The following ZNRF3 variants were observed in gnomAD, a reference collection of about 807,000 sequenced individuals.
ZNRF3 encodes the protein zinc and ring finger 3, also known as E3 ubiquitin-protein ligase ZNRF3.
A neutral mutation model predicts 72.5 loss-of-function variants in ZNRF3; 23 were observed. The observed-to-expected ratio is 0.32, with a 90% confidence interval of 0.23 to 0.45. The LOEUF (loss-of-function observed/expected upper bound fraction) is 0.45. ZNRF3 is among the 20% of genes least tolerant of loss of function. The pLI is 1.00. For synonymous variants in ZNRF3, 610 were observed against 545.3 expected, an observed-to-expected ratio of 1.12 and a Z score of -1.65; for missense variants, 1,169 against 1,272.1, an observed-to-expected ratio of 0.92 and a Z score of 1.23.
chr22:28,968,480 C>T (rs1004272499), intron 1 of ZNRF3, among the ~76,000 whole-genome samples: 15 of 152,038 alleles, frequency 9.9e-5, no homozygotes, highest in South Asian at 4.1e-4. Flanking sequence ...GAGGCTGAGG[C>T]GGGTGGATCA....
At chr22:29,045,529 C>T (rs1386066346) in intron 5 of ZNRF3, among the ~76,000 whole-genome samples, 2 of 152,164 alleles carry the variant, frequency 1.3e-5, no homozygotes, top group East Asian at 1.9e-4. Context: ...CATTCTGTCA[C>T]CCAGGCTGGA....
At chr22:28,886,359 A>C (rs556781152) in intron 1 of ZNRF3, among the ~76,000 whole-genome samples, 10 of 152,366 alleles carry the variant, frequency 6.6e-5, no homozygotes, top group African/African-American at 2.4e-4. Context: ...AGAAAGCAGA[A>C]GGAATAAATT....
At chr22:28,982,433 CAAAA>C (rs61589852) in intron 1 of ZNRF3, among the ~76,000 whole-genome samples, 1,381 of 76,344 alleles carry the variant, frequency 0.018, 11 homozygotes, top group East Asian at 0.077. Flanking sequence ...CCTGTCTCTA[CAAAA>C]AAAAAAAAAA....
chr22:28,935,972 G>A (rs1041255134), intron 1 of ZNRF3, among the ~76,000 whole-genome samples: 25 of 152,034 alleles, frequency 1.6e-4, no homozygotes, highest in African/African-American at 5.3e-4. Flanking sequence ...GGCTCTTCTG[G>A]TGCCCTCTGT....
At chr22:28,897,823 G>A (rs914585314) in intron 1 of ZNRF3, among the ~76,000 whole-genome samples, 1 of 152,150 alleles carries the variant, frequency 6.6e-6, no homozygotes, top group Non-Finnish European at 1.5e-5. Context: ...TATTGTCTTG[G>A]ATGTAAAACA....
chr22:28,955,032 G>GTTTTTTTTTTTTTTTTTTT (rs372334361), intron 1 of ZNRF3, among the ~76,000 whole-genome samples: 2 of 137,170 alleles, frequency 1.5e-5, no homozygotes, highest in Non-Finnish European at 1.5e-5. Flanking sequence ...TATTTTTGGT[G>GTTTTTTTTTTTTTTTTTTT]TTTTTTTTTT....
intron 1 of ZNRF3, among the ~76,000 whole-genome samples, chr22:28,938,943 G>T (rs1042578571): frequency 6.6e-6 from 1 of 152,150 alleles, no homozygotes. Flanking sequence ...CTGTTTAGCT[G>T]TGTGACTCTA....
rs370257383 is a variant in ZNRF3, at chr22:29,043,334, G to A, written c.537G>A (p.Pro179=). 46 of 1,613,992 alleles carry A rather than the reference G, an allele frequency of 2.9e-5. No individual in the cohort carries two copies. The highest frequency in any genetic ancestry group is 5.3e-5 in the African/African-American group (4 of 74,984). Residue 179 remains proline, a synonymous_variant, in exon 4 of 9, where the codon CCG becomes CCA. Transcript: ENST00000544604. ...GCTCTGAAGACCCGCTCAAGAGGCC[G>A]GTGGTGTATGTGAAGGGTGCAGATG... ...NQGSEDPLKR[P]VVYVKGADAI... is the part of the protein sequence containing the mutation.
At chr22:28,922,282 T>C (rs1011256145) in intron 1 of ZNRF3, among the ~76,000 whole-genome samples, 3 of 152,182 alleles carry the variant, frequency 2.0e-5, no homozygotes, top group African/African-American at 7.2e-5. Flanking sequence ...GTTGTAATTA[T>C]TTTTTTGTTT....
chr22:28,885,709 T>C (rs1290130186), intron 1 of ZNRF3, among the ~76,000 whole-genome samples: 1 of 152,064 alleles, frequency 6.6e-6, no homozygotes, highest in Non-Finnish European at 1.5e-5. Context: ...TTCTCAACAG[T>C]AGTTTGTCTG....
Position 29,049,988 on chromosome 22 carries a change from A to G in ZNRF3, c.1807A>G (p.Ser603Gly), listed in dbSNP as rs1180956642. 1 of 1,611,980 alleles carries G rather than the reference A, an allele frequency of 6.2e-7. No individual in the cohort carries two copies. Among genetic ancestry groups the G allele is most frequent in the Non-Finnish European group, 8.5e-7 (1 of 1,179,680 alleles). The stretch of plus-strand genomic sequence containing the variant: ...TGACCCCTTCATCTACCGCAGCCGG[A>G]GCCCCTGTCGTGCCAGTGAGGCGGG... ...DYDPFIYRSR[S>G]PCRASEAGGS... Residue 603 changes from serine to glycine, a missense_variant, in exon 8 of 9, where the codon AGC (serine) becomes GGC (glycine). Coordinates refer to ENST00000544604, the MANE Select transcript of ZNRF3 (RefSeq NM_001206998.2). The surrounding 1 kb of genome is among the most constrained non-coding windows in gnomAD (Gnocchi z 5.2).
intron 2 of ZNRF3, among the ~76,000 whole-genome samples, chr22:29,011,529 G>T (rs1041717160): frequency 1.3e-5 from 2 of 152,160 alleles, no homozygotes; most frequent in East Asian, 3.8e-4. Flanking sequence ...CCTATAATTC[G>T]CAAGTTTAAA....
intron 1 of ZNRF3, among the ~76,000 whole-genome samples, chr22:28,942,060 G>A (rs899681926): frequency 6.6e-6 from 1 of 152,222 alleles, no homozygotes; most frequent in African/African-American, 2.4e-5. Context: ...TGCCATTTTA[G>A]TTTTGTCCTG....
At chr22:29,027,774 A>G (rs1037527231) in intron 2 of ZNRF3, among the ~76,000 whole-genome samples, 1 of 152,192 alleles carries the variant, frequency 6.6e-6, no homozygotes, top group African/African-American at 2.4e-5. Context: ...CAGAAAATTC[A>G]TCACATGCTC....
rs114425252 is a variant in ZNRF3, at chr22:28,978,121, T to C, written c.301-8955T>C. Among the ~76,000 whole-genome samples, 347 of 152,300 alleles carry C rather than the reference T, an allele frequency of 2.3e-3. 3 individuals are homozygous for C. Among genetic ancestry groups the C allele is most frequent in the African/African-American group, 8.1e-3 (337 of 41,570 alleles). On this transcript the variant is annotated intron_variant, in intron 1 of 8. Coordinates refer to ENST00000544604, the MANE Select transcript of ZNRF3 (RefSeq NM_001206998.2). ...TCATATTTAAACATAAAACCAGTTG[T>C]TTGATACCTGGTACCAGAGATGGCC... is the stretch of plus-strand genomic sequence containing the variant.
chr22:29,004,644 A>G (rs568877557), intron 2 of ZNRF3, among the ~76,000 whole-genome samples: 1 of 152,194 alleles, frequency 6.6e-6, no homozygotes, highest in Non-Finnish European at 1.5e-5. Context: ...AAAGGCAGAC[A>G]TCAGAGAACT....
At chr22:29,004,790 G>A (rs2036212447) in intron 2 of ZNRF3, among the ~76,000 whole-genome samples, 1 of 152,188 alleles carries the variant, frequency 6.6e-6, no homozygotes, top group Non-Finnish European at 1.5e-5. Context: ...CCTCCCGCCC[G>A]GTTCCAGTCC....
intron 1 of ZNRF3, among the ~76,000 whole-genome samples, chr22:28,914,934 G>T (rs2034383630): frequency 6.6e-6 from 1 of 152,148 alleles, no homozygotes; most frequent in South Asian, 2.1e-4. Context: ...CCCAGGCTCT[G>T]CTGTGTATTA....
intron 2 of ZNRF3, among the ~76,000 whole-genome samples, chr22:29,008,502 C>T (rs2036297145): frequency 6.6e-6 from 1 of 152,170 alleles, no homozygotes; most frequent in African/African-American, 2.4e-5. Flanking sequence ...TGAAGAGGGG[C>T]TTGAAGTTCT....
Sources: allele counts gnomAD v4.1 joint callset (sites outside exome capture counted in the v4.1 genomes callset), GRCh38; gene constraint gnomAD v4.1.1; non-coding constraint Gnocchi (gnomAD v3.1); transcripts MANE v1.5; gene names NCBI Gene and HGNC (gene_info 2026-07-23, HGNC 2026-07-21).